The following CCDC152 variants were observed in gnomAD, a reference collection of about 807,000 sequenced individuals.
The protein encoded by CCDC152 is coiled-coil domain containing 152.
In CCDC152, 37 loss-of-function variants were observed where a neutral mutation model predicts 38.1. That is an observed-to-expected ratio of 0.97 (90% CI 0.75 to 1.28). The LOEUF is 1.28. Ranked by LOEUF, CCDC152 falls within the 50% of genes most tolerant of loss-of-function variation. The probability of loss-of-function intolerance (pLI) is 0.00; values close to 1 mark genes in which losing one functional copy is unlikely to be tolerated. For synonymous variants in CCDC152, 83 were observed against 87.1 expected, an observed-to-expected ratio of 0.95 and a Z score of 0.26; for missense variants, 259 against 292.1, an observed-to-expected ratio of 0.89 and a Z score of 0.83.
intron 7 of CCDC152, among the ~76,000 whole-genome samples, chr5:42,798,102 G>A (rs907034639): frequency 2.6e-5 from 4 of 152,160 alleles, no homozygotes; most frequent in African/African-American, 9.7e-5. Context: ...AGTGAGCCGA[G>A]ATTGTGCCAC....
rs956472242 is a variant in CCDC152 at position 42,800,606 on chromosome 5, A to T, written c.*825A>T. The stretch of plus-strand genomic sequence containing the variant: ...GGAAGCCAATTCAGTAGATTTCTCC[A>T]TGTTTGCACAAATCTAATTTCTATT... On this transcript the variant is annotated 3_prime_UTR_variant, in exon 9 of 9. Transcript: ENST00000361970. 1.3e-5 allele frequency: 17 copies of T among 1,275,312 alleles called. No individual in the cohort carries two copies. The highest frequency in any genetic ancestry group is 1.7e-5 in the Non-Finnish European group (16 of 935,300). 79.0% of individuals were successfully genotyped at this position (1,275,312 alleles called of 1,614,324 possible).
chr5:42,784,186 G>T (rs1006526002), intron 6 of CCDC152, among the ~76,000 whole-genome samples: 1 of 152,058 alleles, frequency 6.6e-6, no homozygotes, highest in African/African-American at 2.4e-5. Context: ...CCATAGGGGT[G>T]AAACTAATTT....
At chr5:42,773,340 T>C (rs1561274702) in intron 4 of CCDC152, among the ~76,000 whole-genome samples, 1 of 152,224 alleles carries the variant, frequency 6.6e-6, no homozygotes, top group Non-Finnish European at 1.5e-5. Context: ...CTTATTTATC[T>C]TTATTTTCAT....
chr5:42,781,320 G>A (rs1038547864), intron 5 of CCDC152, among the ~76,000 whole-genome samples: 1 of 152,088 alleles, frequency 6.6e-6, no homozygotes, highest in East Asian at 1.9e-4. Flanking sequence ...AATTAGAACC[G>A]AGAAGTTGAA....
chr5:42,789,556 A>T (rs1406518113), intron 6 of CCDC152, among the ~76,000 whole-genome samples: 1 of 152,190 alleles, frequency 6.6e-6, no homozygotes, highest in Non-Finnish European at 1.5e-5. Flanking sequence ...ATGTAAATAC[A>T]ACATTTCTAA....
At chr5:42,793,161 A>G (rs951541168) in intron 6 of CCDC152, among the ~76,000 whole-genome samples, 1 of 152,216 alleles carries the variant, frequency 6.6e-6, no homozygotes, top group Admixed American at 6.5e-5. Flanking sequence ...CTTCAGAAGC[A>G]ATATGCTAAA....
At chr5:42,785,612 A>G (rs974535331) in intron 6 of CCDC152, among the ~76,000 whole-genome samples, 1 of 151,982 alleles carries the variant, frequency 6.6e-6, no homozygotes, top group African/African-American at 2.4e-5. Context: ...TTGAATGGCT[A>G]CTATTTATTT....
intron 2 of CCDC152, 36 bp from the exon 3 acceptor site, chr5:42,762,407 G>T: frequency 9.1e-7 from 1 of 1,102,946 alleles, no homozygotes; most frequent in South Asian, 1.4e-5. Flanking sequence ...TAGCAGCATT[G>T]ATTTGTTAAT....
chr5:42,763,408 G>A (rs1454573556), intron 3 of CCDC152, among the ~76,000 whole-genome samples: 2 of 152,150 alleles, frequency 1.3e-5, no homozygotes, highest in Non-Finnish European at 2.9e-5. Flanking sequence ...TGCCCTCGAG[G>A]AGGAAGAGCA....
intron 3 of CCDC152, among the ~76,000 whole-genome samples, chr5:42,765,703 A>G (rs1209466206): frequency 1.3e-5 from 2 of 152,236 alleles, no homozygotes. Flanking sequence ...AAAACTGGAT[A>G]TTCATATGCA....
chr5:42,796,243 A>G (rs1334898231), intron 6 of CCDC152, among the ~76,000 whole-genome samples: 1 of 151,546 alleles, frequency 6.6e-6, no homozygotes, highest in Non-Finnish European at 1.5e-5. Flanking sequence ...AAGTATAATA[A>G]TAATAAAATT....
chr5:42,801,271 C>T lies in CCDC152; in HGVS notation c.*1490C>T. The T allele has an allele frequency of 1.2e-6, 2 of 1,614,046 alleles. No individual in the cohort carries two copies. Among genetic ancestry groups the T allele is most frequent in the Non-Finnish European group, 1.7e-6 (2 of 1,179,996 alleles). On this transcript the variant is annotated 3_prime_UTR_variant, in exon 9 of 9. Transcript: ENST00000361970. The stretch of plus-strand genomic sequence containing the variant: ...TGATGGTAATGAGGCGATGGAGTTT[C>T]AACTGTTTTATCCACAGTAGCCAAA...
rs1760073140 is a variant in CCDC152, at chr5:42,796,181, T to G, written c.431-648T>G. The stretch of plus-strand genomic sequence containing the variant: ...GGGTGCAGCACACCAGCATGGCACA[T>G]GTATACATATGTAACTAACCTGCAC... On this transcript the variant is annotated intron_variant, in intron 6 of 8. Transcript: ENST00000361970. Among the ~76,000 whole-genome samples the G allele has an allele frequency of 2.6e-5, 4 of 151,452 alleles. No individual in the cohort carries two copies. The South Asian group carries it at 8.3e-4, about 32-fold the overall frequency.
At chr5:42,779,424 T>C in intron 4 of CCDC152, 34 bp from the exon 5 acceptor site, 1 of 1,188,234 alleles carries the variant, frequency 8.4e-7, no homozygotes, top group Non-Finnish European at 1.2e-6. Flanking sequence ...AAAAGTGCTA[T>C]ATATTATGAT....
chr5:42,788,341 C>CA (rs1173161871), intron 6 of CCDC152, among the ~76,000 whole-genome samples: 1 of 146,394 alleles, frequency 6.8e-6, no homozygotes, highest in Non-Finnish European at 1.5e-5. Flanking sequence ...AAAAAAAAAA[C>CA]AAAAAACCCT....
At chr5:42,782,762 T>A (rs938175171) in intron 5 of CCDC152, among the ~76,000 whole-genome samples, 5 of 152,126 alleles carry the variant, frequency 3.3e-5, no homozygotes, top group African/African-American at 1.2e-4. Context: ...ATCCATAATA[T>A]AGATATGTTA....
chr5:42,776,759 A>G lies in CCDC152; in HGVS notation c.263-2699A>G, dbSNP rs1759772650. On this transcript the variant is annotated intron_variant, in intron 4 of 8. Transcript: ENST00000361970. Reference sequence around the variant, plus strand: ...ATTAAAGTAGACATCAAAAACAGAAAGGTAGATGAAAAATCTCAAAATATA... The same window carrying G: ...ATTAAAGTAGACATCAAAAACAGAAGGGTAGATGAAAAATCTCAAAATATA... 2.6e-5 allele frequency among the ~76,000 whole-genome samples: 4 copies of G among 152,366 alleles called. No homozygotes were observed. The South Asian group carries it at 8.3e-4, about 32-fold the overall frequency.
chr5:42,769,369 G>T lies in CCDC152; in HGVS notation c.194-228G>T, dbSNP rs151300742. Among the ~76,000 whole-genome samples the T allele has an allele frequency of 8.3e-3, 1,257 of 151,838 alleles. 3 individuals are homozygous for T. Among genetic ancestry groups the T allele is most frequent in the Non-Finnish European group, 0.013 (905 of 67,960 alleles). On this transcript the variant is annotated intron_variant, in intron 3 of 8. Transcript: ENST00000361970. ...TTATTATTTTTAGAGACAGGGTCTT[G>T]CTCTGTCACTCAGGCTGGAGTGCAA...
intron 2 of CCDC152, among the ~76,000 whole-genome samples, chr5:42,760,884 G>A (rs1391685710): frequency 6.6e-6 from 1 of 152,028 alleles, no homozygotes; most frequent in African/African-American, 2.4e-5. Context: ...CAATGATTTT[G>A]GAAATTAATT....
Sources: allele counts gnomAD v4.1 joint callset (sites outside exome capture counted in the v4.1 genomes callset), GRCh38; gene constraint gnomAD v4.1.1; transcripts MANE v1.5; gene names NCBI Gene and HGNC (gene_info 2026-07-23, HGNC 2026-07-21).